Variants in MYLK4 observed in about 807,000 individuals in gnomAD.
The protein encoded by MYLK4 is caMLCK like.
Under a neutral mutation model 48.1 loss-of-function variants are expected in MYLK4, and 46 were observed. The ratio of observed to expected loss-of-function variants is 0.96; its 90% CI spans 0.75 to 1.22. The LOEUF (loss-of-function observed/expected upper bound fraction) is 1.22, where lower values mean the gene tolerates loss of function less well. MYLK4 is among the 50% of genes most tolerant of loss of function. The probability of loss-of-function intolerance (pLI) is 0.00; values close to 1 mark genes in which losing one functional copy is unlikely to be tolerated. For missense variants in MYLK4, 451 were observed against 486.1 expected, an observed-to-expected ratio of 0.93 and a Z score of 0.68; for synonymous variants, 170 against 180.8, an observed-to-expected ratio of 0.94 and a Z score of 0.48.
chr6:2,734,627 C>T (rs1763602989), intron 2 of MYLK4, among the ~76,000 whole-genome samples: 1 of 152,058 alleles, frequency 6.6e-6, no homozygotes, highest in South Asian at 2.1e-4. Flanking sequence ...TACACTCATA[C>T]ACATATACAT....
At chr6:2,761,088 G>C in the MYLK4 span, among the ~76,000 whole-genome samples, 1 of 152,270 alleles carries the variant, frequency 6.6e-6, no homozygotes, top group East Asian at 1.9e-4. Flanking sequence ...ACTAGTAGTA[G>C]ATGGCTTATA....
chr6:2,766,091 T>C, the MYLK4 span: 2 of 1,313,438 alleles, frequency 1.5e-6, no homozygotes, highest in South Asian at 2.2e-5. Context: ...TCCGCGCAGC[T>C]GGGACGAGGC....
intron 2 of MYLK4, among the ~76,000 whole-genome samples, chr6:2,731,190 A>G (rs1763466388): frequency 1.3e-5 from 2 of 152,230 alleles, no homozygotes; most frequent in Admixed American, 6.5e-5. Flanking sequence ...GGTACCAAGC[A>G]TAATTTCGTT....
intron 2 of MYLK4, among the ~76,000 whole-genome samples, chr6:2,711,823 T>C (rs754604808): frequency 6.6e-6 from 1 of 152,106 alleles, no homozygotes; most frequent in Non-Finnish European, 1.5e-5. Context: ...TTTTAAGGTA[T>C]ATAACTTTAA....
intron 2 of MYLK4, among the ~76,000 whole-genome samples, chr6:2,728,903 C>T (rs947718219): frequency 2.6e-5 from 4 of 152,228 alleles, no homozygotes; most frequent in African/African-American, 4.8e-5. Context: ...AGAATCTCCA[C>T]GGTGGATGGC....
At chr6:2,755,099 A>T (rs1310155706), upstream of MYLK4, among the ~76,000 whole-genome samples, 1 of 152,240 alleles carries the variant, frequency 6.6e-6, no homozygotes, top group Non-Finnish European at 1.5e-5. Context: ...GCTAAGTATT[A>T]CGAAATACAA....
At chr6:2,738,981 A>G (rs1763796402) in intron 2 of MYLK4, among the ~76,000 whole-genome samples, 1 of 152,220 alleles carries the variant, frequency 6.6e-6, no homozygotes, top group South Asian at 2.1e-4. Context: ...GGGATTGTTA[A>G]TAGTTGATAA....
intron 2 of MYLK4, among the ~76,000 whole-genome samples, chr6:2,718,195 A>G (rs1420735989): frequency 1.3e-5 from 2 of 151,838 alleles, no homozygotes; most frequent in Admixed American, 1.3e-4. Flanking sequence ...AAAAAAAAAA[A>G]AAAAAAGAAA....
At chr6:2,713,328 C>A (rs1478171675) in intron 2 of MYLK4, among the ~76,000 whole-genome samples, 3 of 150,790 alleles carry the variant, frequency 2.0e-5, no homozygotes, top group African/African-American at 7.3e-5. Context: ...CAAGATCGAT[C>A]GCATCATTGG....
intron 2 of MYLK4, among the ~76,000 whole-genome samples, chr6:2,709,895 T>C (rs1379254426): frequency 2.0e-5 from 3 of 152,064 alleles, no homozygotes; most frequent in Non-Finnish European, 4.4e-5. Context: ...ACTGTCTCTG[T>C]CCCCAAGAAA....
chr6:2,749,257 C>A lies in MYLK4; in HGVS notation c.38G>T (p.Cys13Phe). The change falls in exon 2 of 13, where the codon TGT becomes TTT. Residue 13 changes from cysteine to phenylalanine, a missense_variant. By Grantham distance (205) the Cys-to-Phe change is radical. Transcript: ENST00000274643. ...KVKRLEEFNT[C>F]YNSNQLEKMA... Reference sequence around the variant, plus strand: ...TTTCTCCAGCTGGTTGCTGTTATAACACGTGTTGAATTCTTCCAGCCTCTT... The same window carrying A: ...TTTCTCCAGCTGGTTGCTGTTATAAAACGTGTTGAATTCTTCCAGCCTCTT... 2.5e-6 allele frequency: 4 copies of A among 1,614,080 alleles called. No individual in the cohort carries two copies. The highest frequency in any genetic ancestry group is 3.4e-6 in the Non-Finnish European group (4 of 1,179,966).
upstream of MYLK4, among the ~76,000 whole-genome samples, chr6:2,751,838 CT>C (rs1387780022): frequency 6.6e-6 from 1 of 152,072 alleles, no homozygotes; most frequent in Non-Finnish European, 1.5e-5. Context: ...ACAGCAAAAT[CT>C]TTTTTAAAAC....
chr6:2,727,245 C>T (rs570017243), intron 2 of MYLK4, among the ~76,000 whole-genome samples: 1 of 152,302 alleles, frequency 6.6e-6, no homozygotes, highest in East Asian at 1.9e-4. Context: ...AGCCACTGCT[C>T]AGCCTTCAAC....
At position 2,695,116 on chromosome 6, in the gene MYLK4, A is replaced by G. The variant is rs1056233540; in HGVS notation, c.160-2257T>C. On this transcript the variant is annotated intron_variant, in intron 2 of 12. Transcript: ENST00000274643. ...AAAAAAAGGAGAGAATTTAAGTCCAATTTTGAAAGCATATATCCAAATTAG... is the reference window on the plus strand; with the variant it reads ...AAAAAAAGGAGAGAATTTAAGTCCAGTTTTGAAAGCATATATCCAAATTAG... 3.3e-5 allele frequency among the ~76,000 whole-genome samples: 5 copies of G among 152,370 alleles called. No homozygotes were observed. In the South Asian group the frequency reaches 8.3e-4, roughly 25 times the overall value.
chr6:2,683,236 T>C (rs994890987), intron 6 of MYLK4, 74 bp from the exon 7 acceptor site: 2 of 1,535,542 alleles, frequency 1.3e-6, no homozygotes, highest in South Asian at 1.2e-5. Context: ...TAGTGACTTG[T>C]CGTGCAAGTT....
Position 2,717,956 on chromosome 6 carries a change from G to A in MYLK4, c.160-25097C>T, listed in dbSNP as rs142517340. Among the ~76,000 whole-genome samples the A allele has an allele frequency of 6.4e-3, 979 of 152,200 alleles. 9 individuals carry two copies. The highest frequency in any genetic ancestry group is 0.022 in the African/African-American group (928 of 41,526). ...AGCACTTTGGGCGGCCGAGGCAGGCGGATCACCTGAGGTTGGGAGTTCGAG... is the reference window on the plus strand; with the variant it reads ...AGCACTTTGGGCGGCCGAGGCAGGCAGATCACCTGAGGTTGGGAGTTCGAG... On this transcript the variant is annotated intron_variant, in intron 2 of 12. Coordinates refer to ENST00000274643, the MANE Select transcript of MYLK4 (RefSeq NM_001012418.5).
chr6:2,763,834 G>C, the MYLK4 span, among the ~76,000 whole-genome samples: 4 of 146,470 alleles, frequency 2.7e-5, no homozygotes, highest in African/African-American at 7.6e-5. Flanking sequence ...ACCTCTCACT[G>C]CTGAGGGACA....
At chr6:2,762,541 T>C in the MYLK4 span, among the ~76,000 whole-genome samples, 8 of 152,248 alleles carry the variant, frequency 5.3e-5, no homozygotes, top group African/African-American at 2.4e-5. Context: ...TGTACTGTAT[T>C]TCCACATTTA....
Position 2,748,992 on chromosome 6 carries a change from G to A in MYLK4, c.159+144C>T, listed in dbSNP as rs933689102. 3.9e-5 allele frequency: 27 copies of A among 688,406 alleles called. No individual in the cohort carries two copies. The African/African-American group carries it at 4.3e-4, about 11-fold the overall frequency. 42.6% of individuals were successfully genotyped at this position (688,406 alleles called of 1,614,324 possible). A position where few individuals can be genotyped will look rare whatever the true frequency, so the allele number is the denominator to read the frequency against. The stretch of plus-strand genomic sequence containing the variant: ...ATTTACCAAACACAATTGTATAGTC[G>A]ACACACACAATTCTCACTGAAGCAA... On this transcript the variant is annotated intron_variant, in intron 2 of 12. Coordinates refer to ENST00000274643, the MANE Select transcript of MYLK4 (RefSeq NM_001012418.5).
Sources: gnomAD v4.1 joint callset for allele counts (sites outside exome capture counted in the v4.1 genomes callset) on GRCh38, gnomAD v4.1.1 for gene constraint, MANE v1.5 for transcripts, NCBI Gene and HGNC (gene_info 2026-07-23, HGNC 2026-07-21) for gene names.